GMPS: variants seen among roughly 807,000 people sequenced by gnomAD.
GMPS encodes the protein GMP synthase [glutamine-hydrolyzing].
GMPS carries 15 observed loss-of-function variants against 77.9 expected under a neutral mutation model. The ratio of observed to expected loss-of-function variants is 0.19; its 90% CI spans 0.13 to 0.30. The LOEUF is 0.30. Ranked by LOEUF, GMPS falls within the 10% of genes least tolerant of loss-of-function variation. GMPS has a pLI of 1.00. For synonymous variants in GMPS, 224 were observed against 275.9 expected (o/e 0.81, Z 1.86); for missense variants, 590 against 838.8 (o/e 0.70, Z 3.66).
intron 5 of GMPS, 130 bp downstream of exon 5, chr3:155,906,393 T>C (rs1754883260): frequency 1.9e-6 from 1 of 536,928 alleles, no homozygotes; most frequent in Non-Finnish European, 3.3e-6. Flanking sequence ...TTTTTAAAGA[T>C]AATAATGAAT....
intron 7 of GMPS, among the ~76,000 whole-genome samples, chr3:155,913,520 TA>T (rs540043673): frequency 8.9e-6 from 1 of 112,812 alleles, no homozygotes; most frequent in African/African-American, 2.7e-5. Context: ...ACAATCAGCA[TA>T]AATTTTTTTT....
Position 155,940,530 on chromosome 3 carries a change from AAG to A in GMPS, c.*2841_*2842del. 1 of 216,658 alleles carries A rather than the reference AAG, an allele frequency of 4.6e-6. No individual in the cohort carries two copies. The allele number at this position is 216,658 out of a possible 1,614,324, so 13.4% of individuals were successfully genotyped here. A position where few individuals can be genotyped will look rare whatever the true frequency, so the allele number is the denominator to read the frequency against. On this transcript the variant is annotated 3_prime_UTR_variant, in exon 16 of 16. Transcript: ENST00000496455. ...AACTTGACCCTAACCTGTAGAGAAT[AAG>A]AGCATTCAAATTAGGAAGGCAGGAC...
chr3:155,932,582 A>G (rs1354559457), intron 13 of GMPS, among the ~76,000 whole-genome samples: 1 of 152,168 alleles, frequency 6.6e-6, no homozygotes, highest in Non-Finnish European at 1.5e-5. Flanking sequence ...AAATTCACTT[A>G]TTTTGTACTA....
chr3:155,909,361 A>C (rs892646351), intron 5 of GMPS, among the ~76,000 whole-genome samples: 1 of 152,200 alleles, frequency 6.6e-6, no homozygotes, highest in African/African-American at 2.4e-5. Flanking sequence ...AGATTCTTTT[A>C]ATATAAGAAC....
At chr3:155,932,277 A>AACACACACACAC (rs10548751) in intron 13 of GMPS, among the ~76,000 whole-genome samples, 2 of 141,150 alleles carry the variant, frequency 1.4e-5, no homozygotes, top group Non-Finnish European at 1.5e-5. Context: ...CAAATAAAGT[A>AACACACACACAC]ACACACACAC....
rs1755841362 is a variant in GMPS, at chr3:155,939,531, C to A, written c.*1839C>A. ...GGGAACATAAGCTCACTTGTCCTTT[C>A]CTGGAGATTCATGGTATATAATATT... On this transcript the variant is annotated 3_prime_UTR_variant, in exon 16 of 16. Transcript: ENST00000496455. 1 of 204,586 alleles carries A rather than the reference C, an allele frequency of 4.9e-6. No homozygotes were observed. 12.7% of individuals were successfully genotyped at this position (204,586 alleles called of 1,614,324 possible).
rs1165685037 is a variant in GMPS, at chr3:155,939,629, G to T, written c.*1937G>T. The T allele has an allele frequency of 5.1e-6, 1 of 194,934 alleles. No individual in the cohort carries two copies. Among genetic ancestry groups the T allele is most frequent in the African/African-American group, 2.3e-5 (1 of 43,232 alleles). The allele number at this position is 194,934 out of a possible 1,614,324, so 12.1% of individuals were successfully genotyped here. A position where few individuals can be genotyped will look rare whatever the true frequency, so the allele number is the denominator to read the frequency against. ...TTAAATTAGTGTTTTCCTGATATTT[G>T]TTTTTTGAACACCTTTTATATAATC... On this transcript the variant is annotated 3_prime_UTR_variant, in exon 16 of 16. Coordinates refer to ENST00000496455, the MANE Select transcript of GMPS (RefSeq NM_003875.3).
At chr3:155,905,580 C>T (rs1173475156) in intron 4 of GMPS, among the ~76,000 whole-genome samples, 2 of 152,156 alleles carry the variant, frequency 1.3e-5, no homozygotes, top group African/African-American at 4.8e-5. Context: ...GAAACAGAAT[C>T]ATTAGTGTAT....
intron 1 of GMPS, among the ~76,000 whole-genome samples, chr3:155,892,676 G>A (rs1015868404): frequency 6.6e-6 from 1 of 152,154 alleles, no homozygotes; most frequent in African/African-American, 2.4e-5. Flanking sequence ...TTGTTGCCCA[G>A]GCTGGAGTGC....
At chr3:155,889,376 T>C (rs2108067429) in intron 1 of GMPS, among the ~76,000 whole-genome samples, 1 of 152,318 alleles carries the variant, frequency 6.6e-6, no homozygotes, top group East Asian at 1.9e-4. Context: ...GGCCCCTTTA[T>C]GTCTTACCTT....
At chr3:155,904,837 A>C (rs931448796) in intron 4 of GMPS, among the ~76,000 whole-genome samples, 11 of 152,104 alleles carry the variant, frequency 7.2e-5, no homozygotes, top group African/African-American at 2.4e-4. Flanking sequence ...AAGATTTGAC[A>C]TTTTTCTGTC....
chr3:155,909,791 A>G (rs1754982453), intron 5 of GMPS, among the ~76,000 whole-genome samples: 1 of 151,968 alleles, frequency 6.6e-6, no homozygotes, highest in Non-Finnish European at 1.5e-5. Flanking sequence ...AATATTTAAA[A>G]ATTAGCTGAG....
intron 3 of GMPS, 90 bp downstream of exon 3, chr3:155,898,131 T>G: frequency 1.3e-6 from 1 of 752,880 alleles, no homozygotes; most frequent in African/African-American, 1.7e-5. Flanking sequence ...TTTAGGATAT[T>G]TAGGATACTT....
At chr3:155,873,638 C>CTTTTTTTTTTT (rs58365650) in intron 1 of GMPS, among the ~76,000 whole-genome samples, 11,609 of 81,206 alleles carry the variant, frequency 0.14, 3,307 homozygotes, top group South Asian at 0.29. Context: ...TGAGTAAGTT[C>CTTTTTTTTTTT]TTTTTTTTTT....
intron 1 of GMPS, among the ~76,000 whole-genome samples, chr3:155,884,661 A>T (rs913715214): frequency 2.6e-5 from 4 of 152,222 alleles, no homozygotes; most frequent in African/African-American, 9.6e-5. Flanking sequence ...GAAGAAAAAG[A>T]TAATAGAGAA....
intron 3 of GMPS, among the ~76,000 whole-genome samples, chr3:155,899,768 C>G (rs1007305861): frequency 6.6e-6 from 1 of 152,174 alleles, no homozygotes; most frequent in Admixed American, 6.5e-5. Context: ...TCCCCCATAT[C>G]CTGGCAACCA....
At chr3:155,897,591 T>TA (rs1754632761) in intron 2 of GMPS, among the ~76,000 whole-genome samples, 1 of 152,208 alleles carries the variant, frequency 6.6e-6, no homozygotes, top group Non-Finnish European at 1.5e-5. Context: ...CTAGAATTCT[T>TA]ACGTACTTCT....
intron 11 of GMPS, among the ~76,000 whole-genome samples, chr3:155,923,272 G>C (rs1054856601): frequency 3.9e-5 from 6 of 152,084 alleles, no homozygotes; most frequent in Non-Finnish European, 8.8e-5. Flanking sequence ...AAGTTGTTTA[G>C]AGATTATCCA....
chr3:155,883,220 C>T (rs1290426802), intron 1 of GMPS, among the ~76,000 whole-genome samples: 4 of 152,004 alleles, frequency 2.6e-5, no homozygotes, highest in Non-Finnish European at 5.9e-5. Flanking sequence ...TGTAGGTGTG[C>T]GCCACCACGC....
Sources: allele counts gnomAD v4.1 joint callset (sites outside exome capture counted in the v4.1 genomes callset), GRCh38; gene constraint gnomAD v4.1.1; transcripts MANE v1.5; gene names NCBI Gene and HGNC (gene_info 2026-07-23, HGNC 2026-07-21).